The following SOX6 variants were observed in gnomAD, a reference collection of about 807,000 sequenced individuals.
SOX6 encodes transcription factor SOX-6.
Under a neutral mutation model 97.8 loss-of-function variants are expected in SOX6, and 11 were observed. That is an observed-to-expected ratio of 0.11 (90% confidence interval 0.07 to 0.19). SOX6 has a LOEUF of 0.19. Among genes scored for constraint, SOX6 ranks in the 10% least tolerant of loss-of-function variants. SOX6 has a pLI of 1.00. For missense variants in SOX6, 810 were observed against 1,039.5 expected (o/e 0.78, Z 3.04); for synonymous variants, 360 against 371.4 (o/e 0.97, Z 0.35).
chr11:16,270,203 A>G (rs1471475029), intron 3 of SOX6: 1 of 151,442 alleles, frequency 6.6e-6, no homozygotes, highest in Non-Finnish European at 1.5e-5. Flanking sequence ...TTCTCCAAAG[A>G]ATATCTACAA....
chr11:16,550,732 C>T (rs899888348), intron 4 of SOX6, among the ~76,000 whole-genome samples: 7 of 152,102 alleles, frequency 4.6e-5, no homozygotes, highest in African/African-American at 1.7e-4. Context: ...TATATTGTTG[C>T]ATCTATGGTT....
intron 4 of SOX6, among the ~76,000 whole-genome samples, chr11:16,540,089 G>A (rs906677382): frequency 1.3e-5 from 2 of 152,044 alleles, no homozygotes; most frequent in South Asian, 2.1e-4. Context: ...CTGGAAAACC[G>A]AATCCAGCAG....
At chr11:16,415,336 A>G in intron 1 of SOX6, among the ~76,000 whole-genome samples, 1 of 152,006 alleles carries the variant, frequency 6.6e-6, no homozygotes, top group East Asian at 1.9e-4. Context: ...TTAAAAAAAA[A>G]AAGCTGATTT....
At chr11:16,639,370 TTGGCTTAGGATTGAC>T (rs1848853083) in intron 3 of SOX6, among the ~76,000 whole-genome samples, 1 of 152,238 alleles carries the variant, frequency 6.6e-6, no homozygotes, top group Non-Finnish European at 1.5e-5. Flanking sequence ...CTTTGTTCTT[TTGGCTTAGGATTGAC>T]TTGGCAATGC....
intron 3 of SOX6, among the ~76,000 whole-genome samples, chr11:16,304,385 T>C (rs1440983618): frequency 6.6e-6 from 1 of 152,142 alleles, no homozygotes; most frequent in Non-Finnish European, 1.5e-5. Flanking sequence ...ATAGGATTGA[T>C]GTCCTTATAA....
chr11:16,085,706 T>C (rs970714499), intron 9 of SOX6, among the ~76,000 whole-genome samples: 2 of 152,154 alleles, frequency 1.3e-5, no homozygotes, highest in African/African-American at 4.8e-5. Context: ...ACTGTGAACA[T>C]AAATGACCAT....
At chr11:16,286,560 A>G (rs972992460) in intron 3 of SOX6, among the ~76,000 whole-genome samples, 7 of 152,102 alleles carry the variant, frequency 4.6e-5, no homozygotes, top group Admixed American at 4.6e-4. Flanking sequence ...TAATATGATG[A>G]TCACTGTGTT....
At chr11:16,079,561 A>G (rs1423897755) in intron 9 of SOX6, among the ~76,000 whole-genome samples, 1 of 152,186 alleles carries the variant, frequency 6.6e-6, no homozygotes, top group Non-Finnish European at 1.5e-5. Flanking sequence ...TATAAATTTC[A>G]TGTTAATACT....
At chr11:16,334,060 A>G (rs1213284976) in intron 2 of SOX6, among the ~76,000 whole-genome samples, 1 of 152,164 alleles carries the variant, frequency 6.6e-6, no homozygotes, top group Non-Finnish European at 1.5e-5. Context: ...GATAGAGTTC[A>G]TTAAGGGGTT....
At chr11:16,488,199 C>T (rs553493723) in intron 4 of SOX6, among the ~76,000 whole-genome samples, 1 of 152,204 alleles carries the variant, frequency 6.6e-6, no homozygotes, top group East Asian at 1.9e-4. Context: ...TTACTCTGTG[C>T]CAGGCACTGT....
rs143887718 is a variant in SOX6 at position 16,297,654 on chromosome 11, A to G, written c.445+20792T>C. Among the ~76,000 whole-genome samples the G allele has an allele frequency of 3.4e-3, 518 of 152,244 alleles. 4 individuals are homozygous for G. Among genetic ancestry groups the G allele is most frequent in the African/African-American group, 0.011 (459 of 41,546 alleles). ...AACAGAAATGACAGACCACTGCACT[A>G]CTCTCTGGCTCTAGTCACACGCAGT... On this transcript the variant is annotated intron_variant, in intron 3 of 15. Transcript: ENST00000683767.
At chr11:16,244,964 T>G (rs1853295210) in intron 3 of SOX6, among the ~76,000 whole-genome samples, 1 of 151,736 alleles carries the variant, frequency 6.6e-6, no homozygotes, top group South Asian at 2.1e-4. Flanking sequence ...CAGATAAATT[T>G]TAGAATTGGT....
At chr11:16,449,992 A>T (rs1203765005) in intron 1 of SOX6, among the ~76,000 whole-genome samples, 1 of 152,192 alleles carries the variant, frequency 6.6e-6, no homozygotes, top group Non-Finnish European at 1.5e-5. Context: ...AATGGGTTTC[A>T]GTAGGTTGCC....
chr11:16,650,553 C>A (rs1230527748), intron 3 of SOX6, among the ~76,000 whole-genome samples: 1 of 9,934 alleles, frequency 1.0e-4, no homozygotes. Context: ...AATCAAAATA[C>A]CAATTTAAAA....
chr11:16,566,546 T>C (rs1299988552), intron 4 of SOX6, among the ~76,000 whole-genome samples: 1 of 152,258 alleles, frequency 6.6e-6, no homozygotes, highest in Non-Finnish European at 1.5e-5. Flanking sequence ...GTATCTCATC[T>C]ATCAGAAACT....
chr11:16,667,462 C>T (rs772338752), intron 3 of SOX6, among the ~76,000 whole-genome samples: 35 of 151,624 alleles, frequency 2.3e-4, no homozygotes, highest in Non-Finnish European at 4.7e-4. Context: ...TACAAAGGAG[C>T]TCCAATATGT....
At chr11:16,540,002 C>T (rs1861377996) in intron 4 of SOX6, among the ~76,000 whole-genome samples, 1 of 152,076 alleles carries the variant, frequency 6.6e-6, no homozygotes. Context: ...CAAAGCTTGG[C>T]AGGGACACAA....
At chr11:16,393,961 C>T (rs963748402) in intron 1 of SOX6, among the ~76,000 whole-genome samples, 2 of 151,862 alleles carry the variant, frequency 1.3e-5, no homozygotes, top group Non-Finnish European at 2.9e-5. Flanking sequence ...AAAGTTACAC[C>T]TATGCATTTA....
chr11:16,464,453 T>C (rs941711687), intron 1 of SOX6, among the ~76,000 whole-genome samples: 2 of 124,914 alleles, frequency 1.6e-5, no homozygotes, highest in Non-Finnish European at 3.5e-5. Context: ...TCTTTCTAAA[T>C]GAAAAAAAAA....
Sources: allele counts gnomAD v4.1 joint callset (sites outside exome capture counted in the v4.1 genomes callset), GRCh38; gene constraint gnomAD v4.1.1; transcripts MANE v1.5; gene names NCBI Gene and HGNC (gene_info 2026-07-23, HGNC 2026-07-21).